Variants in HLA-DOB observed in about 807,000 individuals in gnomAD.
HLA-DOB encodes the protein HLA class II histocompatibility antigen, DO beta chain.
HLA-DOB carries 25 observed loss-of-function variants against 27.7 expected under a neutral mutation model. That is an observed-to-expected ratio of 0.90 (90% CI 0.66 to 1.26). The LOEUF (loss-of-function observed/expected upper bound fraction) is 1.26. HLA-DOB is among the 50% of genes most tolerant of loss of function. The pLI is 0.00. For missense variants in HLA-DOB, 306 were observed against 324.9 expected (o/e 0.94, Z 0.45); for synonymous variants, 137 against 125.6 (o/e 1.09, Z -0.61).
chr6:32,813,159 G>A lies in HLA-DOB; in HGVS notation c.*57C>T. The stretch of plus-strand genomic sequence containing the variant: ...CATGAATGTCCTTTACCTCACCCAG[G>A]GCCCAGACTACTCATCACTACTTCA... On this transcript the variant is annotated 3_prime_UTR_variant, in exon 6 of 6. Coordinates refer to ENST00000438763, the MANE Select transcript of HLA-DOB (RefSeq NM_002120.4). 1 of 1,495,650 alleles carries A rather than the reference G, an allele frequency of 6.7e-7. No individual in the cohort carries two copies. Among genetic ancestry groups the A allele is most frequent in the Non-Finnish European group, 9.3e-7 (1 of 1,074,188 alleles). The allele number at this position is 1,495,650 out of a possible 1,614,324, so 92.6% of individuals were successfully genotyped here. A position where few individuals can be genotyped will look rare whatever the true frequency, so the allele number is the denominator to read the frequency against.
At position 32,815,125 on chromosome 6, in the gene HLA-DOB, A is replaced by G. The variant is rs1767963182; in HGVS notation, c.280T>C (p.Leu94=). The G allele has an allele frequency of 6.2e-7, 1 of 1,614,178 alleles. No homozygotes were observed. The highest frequency in any genetic ancestry group is 1.1e-5 in the South Asian group (1 of 91,086). The change falls in exon 2 of 6, where the codon TTG becomes CTG. Residue 94 remains leucine, a synonymous_variant. Transcript: ENST00000438763. The part of the protein sequence containing the change: ...AEQWNSRLDL[L]ERSRQAVDGV... ...TCCACGGCCTGTCTGCTCCTCTCCAAGAGATCCAGCCGGCTGTTCCACTGC... is the reference window on the plus strand; with the variant it reads ...TCCACGGCCTGTCTGCTCCTCTCCAGGAGATCCAGCCGGCTGTTCCACTGC...
chr6:32,813,307 T>C (rs1440755461), intron 5 of HLA-DOB, 56 bp from the exon 6 acceptor site: 7 of 1,603,740 alleles, frequency 4.4e-6, no homozygotes, highest in Non-Finnish European at 6.0e-6. Context: ...CCCACAGCCG[T>C]TCCAGAGACT....
Position 32,813,180 on chromosome 6 carries a change from C to T in HLA-DOB, c.*36G>A, listed in dbSNP as rs41258084. ...CCAGGGCCCAGACTACTCATCACTACTTCAGGCTCCAGAGAGAGAAGCTTC... is the reference window on the plus strand; with the variant it reads ...CCAGGGCCCAGACTACTCATCACTATTTCAGGCTCCAGAGAGAGAAGCTTC... On this transcript the variant is annotated 3_prime_UTR_variant, in exon 6 of 6. Transcript: ENST00000438763. 75,095 of 1,604,470 alleles carry T rather than the reference C, an allele frequency of 0.047. 2,131 individuals are homozygous for T. Among genetic ancestry groups the T allele is most frequent in the Non-Finnish European group, 0.055 (63,910 of 1,172,130 alleles).
chr6:32,815,691 A>G (rs911456132), intron 1 of HLA-DOB, among the ~76,000 whole-genome samples: 1 of 152,238 alleles, frequency 6.6e-6, no homozygotes, highest in Non-Finnish European at 1.5e-5. Context: ...GTAAAATTAA[A>G]CCAATCCTAT....
intron 3 of HLA-DOB, 66 bp downstream of exon 3, chr6:32,814,254 C>T: frequency 2.9e-6 from 4 of 1,373,420 alleles, no homozygotes. Context: ...AGAAGTGACA[C>T]AGGCTCTGTA....
At chr6:32,813,366 C>T in intron 5 of HLA-DOB, 74 bp downstream of exon 5, 4 of 1,586,728 alleles carry the variant, frequency 2.5e-6, no homozygotes, top group East Asian at 2.2e-5. Flanking sequence ...CTCCCTACCC[C>T]CATGTCATCT....
rs940653619 is a variant in HLA-DOB at position 32,813,874 on chromosome 6, T to C, written c.644-41A>G. 2.0e-5 allele frequency: 24 copies of C among 1,197,936 alleles called. No individual in the cohort carries two copies. In the Admixed American group the frequency reaches 4.8e-4, roughly 24 times the overall value. The allele number at this position is 1,197,936 out of a possible 1,614,324, so 74.2% of individuals were successfully genotyped here. Reference sequence around the variant, plus strand: ...CTTTAAATTAGTAAAAATATCCCAATATTTAAAGCACTTTCTTGGAATCCC... The same window carrying C: ...CTTTAAATTAGTAAAAATATCCCAACATTTAAAGCACTTTCTTGGAATCCC... On this transcript the variant is annotated intron_variant, in intron 3 of 5. Transcript: ENST00000438763.
At position 32,816,933 on chromosome 6, in the gene HLA-DOB, G is replaced by C. The variant is rs781428784; in HGVS notation, c.19C>G (p.Pro7Ala). Residue 7 changes from proline (P) to alanine (A), a missense_variant, in exon 1 of 6, where the codon CCC (proline) becomes GCC (alanine). Physicochemically the swap from Pro to Ala is conservative, Grantham distance 27. Coordinates refer to ENST00000438763, the MANE Select transcript of HLA-DOB (RefSeq NM_002120.4). ...TTCACTAGCAGAGCCACCACCCAGG[G>C]GACCCACCCAGAACCCATTCTGGAG... MGSGWV[P>A]WVVALLVNLT... The C allele has an allele frequency of 4.4e-5, 71 of 1,612,616 alleles. No individual in the cohort carries two copies. The highest frequency in any genetic ancestry group is 1.3e-4 in the Admixed American group (8 of 59,986).
Position 32,815,078 on chromosome 6 carries a change from G to A in HLA-DOB, c.327C>T (p.Tyr109=), listed in dbSNP as rs144487320. The change falls in exon 2 of 6, where the codon TAC becomes TAT. Residue 109 remains tyrosine, a synonymous_variant. Transcript: ENST00000438763. ...CCACAGTGAAGGGTGCGCCCAGCCT[G>A]TAGTTGTGTCTACAGACCCCATCCA... ...QAVDGVCRHN[Y]RLGAPFTVGR... The A allele has an allele frequency of 1.2e-6, 2 of 1,614,068 alleles. No individual in the cohort carries two copies. The highest frequency in any genetic ancestry group is 8.5e-7 in the Non-Finnish European group (1 of 1,180,048).
chr6:32,813,860 T>C, intron 3 of HLA-DOB, 27 bp from the exon 4 acceptor site: 1 of 1,331,198 alleles, frequency 7.5e-7, no homozygotes. Context: ...TTTAAATTAG[T>C]AAAAATATCC....
chr6:32,815,002 G>T, intron 2 of HLA-DOB, 42 bp downstream of exon 2: 1 of 1,605,060 alleles, frequency 6.2e-7, no homozygotes. Context: ...GTTCACATGG[G>T]GGACATTCCT....
intron 1 of HLA-DOB, among the ~76,000 whole-genome samples, chr6:32,816,178 T>C (rs977031046): frequency 6.6e-6 from 1 of 152,210 alleles, no homozygotes; most frequent in Non-Finnish European, 1.5e-5. Flanking sequence ...GAAACTAACA[T>C]GCAAAGGGGA....
At chr6:32,814,250 GA>G (rs142378829) in intron 3 of HLA-DOB, 69 bp downstream of exon 3, 253,388 of 1,400,406 alleles carry the variant, frequency 0.18, 24,833 homozygotes, top group Admixed American at 0.31. Context: ...ACGCAGAAGT[GA>G]CACAGGCTCT....
At position 32,813,432 on chromosome 6, in the gene HLA-DOB, G is replaced by T. The variant is rs1362914818; in HGVS notation, c.786+8C>A. On this transcript the variant is annotated splice_region_variant and intron_variant, in intron 5 of 5. Coordinates refer to ENST00000438763, the MANE Select transcript of HLA-DOB (RefSeq NM_002120.4). ...TGCCACTCAAAGACAAGGAAAAAGA[G>T]ACATTACCTCATTACCAGACATCTG... 6.8e-6 allele frequency: 11 copies of T among 1,612,738 alleles called. No individual in the cohort carries two copies. Among genetic ancestry groups the T allele is most frequent in the Non-Finnish European group, 9.3e-6 (11 of 1,179,780 alleles).
In HLA-DOB at chr6:32,813,479, G is replaced by C; in HGVS notation, c.755-8C>G. On this transcript the variant is annotated splice_region_variant and splice_polypyrimidine_tract_variant and intron_variant, in intron 4 of 5. Transcript: ENST00000438763. ...TCTGCGTCCTCACATATCCTGGAAA[G>C]AAATCGAGAAAAGAATGGATTGCCC... The C allele has an allele frequency of 1.2e-6, 2 of 1,612,616 alleles. No individual in the cohort carries two copies. The highest frequency in any genetic ancestry group is 1.7e-6 in the Non-Finnish European group (2 of 1,179,858).
chr6:32,813,673 G>T (rs1335889717), intron 4 of HLA-DOB, 50 bp downstream of exon 4: 1 of 1,263,152 alleles, frequency 7.9e-7, no homozygotes, highest in Non-Finnish European at 1.1e-6. Context: ...GAAGGTGGGA[G>T]TGGGGAAGGT....
At chr6:32,816,805 T>C in intron 1 of HLA-DOB, 56 bp downstream of exon 1, 3 of 1,379,600 alleles carry the variant, frequency 2.2e-6, no homozygotes, top group Middle Eastern at 1.8e-4. Flanking sequence ...AAGGCATCAC[T>C]CCCCCATGCC....
In HLA-DOB at chr6:32,813,846, G is replaced by C; in HGVS notation, c.644-13C>G. The C allele has an allele frequency of 6.8e-7, 1 of 1,477,450 alleles. No individual in the cohort carries two copies. Among genetic ancestry groups the C allele is most frequent in the Non-Finnish European group, 9.3e-7 (1 of 1,079,180 alleles). The allele number at this position is 1,477,450 out of a possible 1,614,324, so 91.5% of individuals were successfully genotyped here. A position where few individuals can be genotyped will look rare whatever the true frequency, so the allele number is the denominator to read the frequency against. ...TCAGACTGAGCTCCTATGGGAAACA[G>C]GTCTTTAAATTAGTAAAAATATCCC... On this transcript the variant is annotated splice_polypyrimidine_tract_variant and intron_variant, in intron 3 of 5. Coordinates refer to ENST00000438763, the MANE Select transcript of HLA-DOB (RefSeq NM_002120.4).
chr6:32,814,328 A>G lies in HLA-DOB; in HGVS notation c.635T>C (p.Val212Ala), dbSNP rs778456028. 14 of 1,612,946 alleles carry G rather than the reference A, an allele frequency of 8.7e-6. No individual in the cohort carries two copies. The Admixed American group carries it at 2.0e-4, about 23-fold the overall frequency. The part of the protein sequence containing the change: ...DHSSLLSPVS[V>A]EWRAQSEYSW... ...TAGAAACTAATTCTCACTCCACTCC[A>G]CAGAAACAGGGCTCAGCAGGCTGGA... The change falls in exon 3 of 6, where the codon GTG becomes GCG. Residue 212 changes from valine (V) to alanine (A), a missense_variant. Coordinates refer to ENST00000438763, the MANE Select transcript of HLA-DOB (RefSeq NM_002120.4).
Sources: allele counts gnomAD v4.1 joint callset (sites outside exome capture counted in the v4.1 genomes callset), GRCh38; gene constraint gnomAD v4.1.1; transcripts MANE v1.5; gene names NCBI Gene and HGNC (gene_info 2026-07-23, HGNC 2026-07-21).